Variants in LGI3 observed in about 807,000 individuals in gnomAD.
The protein encoded by LGI3 is leucine rich repeat LGI family member 3.
LGI3 carries 47 observed loss-of-function variants against 55.4 expected under a neutral mutation model. The observed-to-expected ratio is 0.85, with a 90% confidence interval of 0.67 to 1.08. LGI3 has a LOEUF of 1.08. Among genes scored for constraint, LGI3 ranks in the 50% least tolerant of loss-of-function variants. The pLI is 0.00. For missense variants in LGI3, 664 were observed against 726.3 expected (o/e 0.91, Z 0.99); for synonymous variants, 326 against 315.0 (o/e 1.04, Z -0.37).
chr8:22,150,226 GT>G (rs1268963963), intron 7 of LGI3, among the ~76,000 whole-genome samples: 1 of 152,018 alleles, frequency 6.6e-6, no homozygotes, highest in Non-Finnish European at 1.5e-5. Flanking sequence ...GGGCCAGGAG[GT>G]TTTTTTAGGA....
At chr8:22,149,084 C>T (rs1827346033) in intron 7 of LGI3, 107 bp from the exon 8 acceptor site, 1 of 714,198 alleles carries the variant, frequency 1.4e-6, no homozygotes, top group Non-Finnish European at 2.3e-6. Flanking sequence ...AGGACTAAGA[C>T]TCTGCGCTAT....
intron 7 of LGI3, among the ~76,000 whole-genome samples, chr8:22,149,792 T>A (rs1385672956): frequency 2.0e-5 from 3 of 152,104 alleles, no homozygotes; most frequent in Non-Finnish European, 2.9e-5. Context: ...GAGAAATTTA[T>A]GCAGAGCCTC....
chr8:22,151,445 CT>C lies in LGI3; in HGVS notation c.829+43del, dbSNP rs774588744. On this transcript the variant is annotated intron_variant, in intron 7 of 7. Transcript: ENST00000306317. ...GTTGAACGATGGAGCCCACTCCCCC[CT>C]CCCCCTAGCAAGGGCCAGCAGAACC... is the stretch of plus-strand genomic sequence containing the variant. 2.8e-5 allele frequency: 44 copies of C among 1,597,254 alleles called. No homozygotes were observed. In the South Asian group the frequency reaches 4.7e-4, roughly 17 times the overall value.
Position 22,156,738 on chromosome 8 carries a change from C to G in LGI3, c.-196G>C, listed in dbSNP as rs1269983913. The G allele has an allele frequency of 4.9e-6, 1 of 204,408 alleles. No individual in the cohort carries two copies. Among genetic ancestry groups the G allele is most frequent in the African/African-American group, 2.3e-5 (1 of 42,634 alleles). 12.7% of individuals were successfully genotyped at this position (204,408 alleles called of 1,614,324 possible). On this transcript the variant is annotated 5_prime_UTR_variant, in exon 1 of 8. Transcript: ENST00000306317. ...CCCTGCTCGCTCCCGCGATCCGGCT[C>G]GGGAGAGAAGAGCGGAGCGCGGAGC...
Position 22,148,498 on chromosome 8 carries a change from G to C in LGI3, c.1309C>G (p.Leu437Val). 1 of 1,613,240 alleles carries C rather than the reference G, an allele frequency of 6.2e-7. No homozygotes were observed. The highest frequency in any genetic ancestry group is 8.5e-7 in the Non-Finnish European group (1 of 1,179,946). The change falls in exon 8 of 8, where the codon CTG (leucine) becomes GTG (valine). Residue 437 changes from leucine (L) to valine (V), a missense_variant. By Grantham distance (32) the Leu-to-Val change is conservative (BLOSUM62 1). Coordinates refer to ENST00000306317, the MANE Select transcript of LGI3 (RefSeq NM_139278.4). This position sits in a 1 kb window ranked among gnomAD's most constrained non-coding sequence, Gnocchi z 7.0. ...KHFRAGRDSY[L>V]CLSRYIGDSK... ...TCGCCAATGTAGCGGCTGAGGCACA[G>C]GTAGCTGTCGCGGCCGGCACGAAAG...
rs1225456903 is a variant in LGI3 at position 22,151,481 on chromosome 8, G to A, written c.829+8C>T. ...AAGGGCCAGCAGAACCAGATTGGGC[G>A]CAGGTACCTGGGATTCTATCATAGT... On this transcript the variant is annotated splice_region_variant and intron_variant, in intron 7 of 7. Coordinates refer to ENST00000306317, the MANE Select transcript of LGI3 (RefSeq NM_139278.4). 27 of 1,612,916 alleles carry A rather than the reference G, an allele frequency of 1.7e-5. No homozygotes were observed. Among genetic ancestry groups the A allele is most frequent in the South Asian group, 7.7e-5 (7 of 90,936 alleles).
At chr8:22,156,250 G>A (rs1409072817) in intron 1 of LGI3, 87 bp downstream of exon 1, 4 of 1,417,690 alleles carry the variant, frequency 2.8e-6, no homozygotes, top group African/African-American at 2.9e-5. Context: ...TCTGAAGAGG[G>A]GGAGCGGGGG....
In LGI3 at chr8:22,156,406, G is replaced by A. The variant is rs1439213289; in HGVS notation, c.137C>T (p.Thr46Ile). The A allele has an allele frequency of 1.9e-6, 3 of 1,599,208 alleles. No homozygotes were observed. Among genetic ancestry groups the A allele is most frequent in the East Asian group, 4.6e-5 (2 of 43,600 alleles). ...GTCCACGCAGAAGGCGGTGTCCCTG[G>A]TGCAAGAGCAGCTGGGCGGGCAGGG... is the stretch of plus-strand genomic sequence containing the variant. ...TPPCPPSCSC[T>I]RDTAFCVDSK... is the part of the protein sequence containing the mutation. The change falls in exon 1 of 8, where the codon ACC becomes ATC. Residue 46 changes from threonine to isoleucine, a missense_variant. Transcript: ENST00000306317.
intron 7 of LGI3, among the ~76,000 whole-genome samples, chr8:22,150,745 CA>C (rs1827367215): frequency 6.6e-6 from 1 of 152,064 alleles, no homozygotes; most frequent in Non-Finnish European, 1.5e-5. Flanking sequence ...CAGACAGGCA[CA>C]TATCCCCCTA....
rs771162659 is a variant in LGI3, at chr8:22,156,386, C to T, written c.157G>A (p.Val53Met). The T allele has an allele frequency of 1.0e-5, 16 of 1,603,948 alleles. No homozygotes were observed. The highest frequency in any genetic ancestry group is 4.4e-5 in the South Asian group (4 of 90,166). ...CSCTRDTAFC[V>M]DSKAVPRNLP... ...TTCCTGGGCACCGCCTTTGAGTCCACGCAGAAGGCGGTGTCCCTGGTGCAA... is the reference window on the plus strand; with the variant it reads ...TTCCTGGGCACCGCCTTTGAGTCCATGCAGAAGGCGGTGTCCCTGGTGCAA... Residue 53 changes from valine (V) to methionine (M), a missense_variant, in exon 1 of 8, where the codon GTG (valine) becomes ATG (methionine). By Grantham distance (21) the Val-to-Met change is conservative. Coordinates refer to ENST00000306317, the MANE Select transcript of LGI3 (RefSeq NM_139278.4).
chr8:22,152,040 C>T, intron 5 of LGI3, 40 bp from the exon 6 acceptor site: 1 of 1,534,550 alleles, frequency 6.5e-7, no homozygotes, highest in Non-Finnish European at 8.9e-7. Flanking sequence ...CAGAGAAAGA[C>T]ATGCTCTCAG....
chr8:22,150,351 A>ATTTTTTTTTTTTTT (rs61084616), intron 7 of LGI3, among the ~76,000 whole-genome samples: 1 of 72,570 alleles, frequency 1.4e-5, no homozygotes, highest in Non-Finnish European at 2.4e-5. Context: ...TAAGCCTTCT[A>ATTTTTTTTTTTTTT]TTTTTTTTTT....
chr8:22,155,359 TC>T, intron 2 of LGI3, 32 bp downstream of exon 2: 1 of 1,604,716 alleles, frequency 6.2e-7, no homozygotes, highest in Non-Finnish European at 8.5e-7. Flanking sequence ...ACCCCATAGT[TC>T]CCCCAACCCT....
chr8:22,149,732 C>T (rs906858030), intron 7 of LGI3, among the ~76,000 whole-genome samples: 1 of 152,162 alleles, frequency 6.6e-6, no homozygotes, highest in African/African-American at 2.4e-5. Context: ...ACTTTGACAT[C>T]CCCAGTTCAC....
Position 22,148,101 on chromosome 8 carries a change from A to G in LGI3, c.*59T>C. On this transcript the variant is annotated 3_prime_UTR_variant, in exon 8 of 8. Transcript: ENST00000306317. The surrounding 1 kb of genome is among the most constrained non-coding windows in gnomAD (Gnocchi z 7.0). ...TCACACAGGCATACGTGGTGCTCAC[A>G]GAGGCCCCCACCCATCCTCCAGTGG... The G allele has an allele frequency of 7.1e-7, 1 of 1,402,182 alleles. No homozygotes were observed. Among genetic ancestry groups the G allele is most frequent in the Non-Finnish European group, 9.7e-7 (1 of 1,033,428 alleles). 86.9% of individuals were successfully genotyped at this position (1,402,182 alleles called of 1,614,324 possible).
At chr8:22,151,764 G>A in intron 6 of LGI3, 67 bp downstream of exon 6, 3 of 1,569,038 alleles carry the variant, frequency 1.9e-6, no homozygotes, top group South Asian at 2.3e-5. Context: ...AGGGTGGGGG[G>A]TTTCGTGTCT....
At chr8:22,155,257 G>T in intron 2 of LGI3, 135 bp downstream of exon 2, 2 of 827,828 alleles carry the variant, frequency 2.4e-6, no homozygotes, top group Non-Finnish European at 2.0e-6. Flanking sequence ...CATCCTATCA[G>T]AACAAAAGCA....
At position 22,148,404 on chromosome 8, in the gene LGI3, A is replaced by G; in HGVS notation, c.1403T>C (p.Leu468Pro). The G allele has an allele frequency of 6.2e-7, 1 of 1,612,900 alleles. No individual in the cohort carries two copies. Among genetic ancestry groups the G allele is most frequent in the Non-Finnish European group, 8.5e-7 (1 of 1,179,866 alleles). ...ACCCACAAGGAAGGGCTGCAGGGCC[A>G]GCGAGCCCCGGGAGGGCAGGGCCTG... ...EVQALPSRGSLALQPFLVGGR... is the reference protein window; with the variant it reads ...EVQALPSRGSPALQPFLVGGR... Residue 468 changes from leucine (L) to proline (P), a missense_variant, in exon 8 of 8, where the codon CTG becomes CCG. By Grantham distance (98) the Leu-to-Pro change is moderately conservative (BLOSUM62 -3). Transcript: ENST00000306317. This position sits in a 1 kb window ranked among gnomAD's most constrained non-coding sequence, Gnocchi z 7.0.
At position 22,148,572 on chromosome 8, in the gene LGI3, A is replaced by C. The variant is rs771184251; in HGVS notation, c.1235T>G (p.Val412Gly). ...CACCTGGGTCACCTCACCCTGGGCC[A>C]CAAACTGCTTCTGGGTGCGACTCCA... ...YQWSRTQKQF[V>G]AQGEVTQVPD... Residue 412 changes from valine (V) to glycine (G), a missense_variant, in exon 8 of 8, where the codon GTG (valine) becomes GGG (glycine). Transcript: ENST00000306317. This position sits in a 1 kb window ranked among gnomAD's most constrained non-coding sequence, Gnocchi z 7.0. 3 of 1,613,958 alleles carry C rather than the reference A, an allele frequency of 1.9e-6. No homozygotes were observed. The highest frequency in any genetic ancestry group is 2.5e-6 in the Non-Finnish European group (3 of 1,180,030).
Sources: gnomAD v4.1 joint callset for allele counts (sites outside exome capture counted in the v4.1 genomes callset) on GRCh38, gnomAD v4.1.1 for gene constraint, Gnocchi (gnomAD v3.1) non-coding constraint, MANE v1.5 for transcripts, NCBI Gene and HGNC (gene_info 2026-07-23, HGNC 2026-07-21) for gene names.